The following EYS variants were observed in gnomAD, a reference collection of about 807,000 sequenced individuals.
The protein encoded by EYS is protein eyes shut homolog.
EYS carries 250 observed loss-of-function variants against 282.1 expected under a neutral mutation model. The observed-to-expected ratio is 0.89, with a 90% CI of 0.80 to 0.98. The LOEUF is 0.98. Among genes scored for constraint, EYS ranks in the 50% least tolerant of loss-of-function variants. The pLI is 0.00. For missense variants in EYS, 4,016 were observed against 3,709.0 expected, an observed-to-expected ratio of 1.08 and a Z score of -2.15; for synonymous variants, 1,355 against 1,282.9, an observed-to-expected ratio of 1.06 and a Z score of -1.20.
At chr6:64,892,052 A>G (rs1767307862) in intron 18 of EYS, among the ~76,000 whole-genome samples, 1 of 151,970 alleles carries the variant, frequency 6.6e-6, no homozygotes, top group African/African-American at 2.4e-5. Context: ...GTGACTTCTG[A>G]AGAAAATTCA....
chr6:63,953,912 C>G (rs556878371), intron 35 of EYS, among the ~76,000 whole-genome samples: 1 of 152,344 alleles, frequency 6.6e-6, no homozygotes, highest in African/African-American at 2.4e-5. Flanking sequence ...GTGGCTGCCA[C>G]TGCCCTAATA....
intron 26 of EYS, among the ~76,000 whole-genome samples, chr6:64,448,606 C>CA: frequency 6.6e-6 from 1 of 152,344 alleles, no homozygotes; most frequent in Admixed American, 6.5e-5. Context: ...AGGCACCCCC[C>CA]AGTAGGGGCG....
At chr6:65,097,699 A>G (rs1774778692) in intron 12 of EYS, among the ~76,000 whole-genome samples, 1 of 150,904 alleles carries the variant, frequency 6.6e-6, no homozygotes, top group Non-Finnish European at 1.5e-5. Context: ...GCTACATGCA[A>G]CAACATGGAT....
chr6:63,894,009 G>A (rs1773471946), intron 35 of EYS, among the ~76,000 whole-genome samples: 1 of 152,176 alleles, frequency 6.6e-6, no homozygotes, highest in Non-Finnish European at 1.5e-5. Context: ...ACCTGACTGT[G>A]TGAGGAGCCT....
intron 29 of EYS, among the ~76,000 whole-genome samples, chr6:64,367,229 C>T (rs1261132603): frequency 6.6e-6 from 1 of 151,956 alleles, no homozygotes; most frequent in East Asian, 1.9e-4. Flanking sequence ...ATCCTCTCTT[C>T]CTAGCAAAAA....
chr6:64,858,982 AG>A (rs1181110816), intron 19 of EYS, among the ~76,000 whole-genome samples: 1 of 152,040 alleles, frequency 6.6e-6, no homozygotes, highest in Non-Finnish European at 1.5e-5. Context: ...ATGTAGCCAG[AG>A]CAATTAGGCA....
At chr6:65,250,779 T>C (rs1349762876) in intron 12 of EYS, among the ~76,000 whole-genome samples, 1 of 151,634 alleles carries the variant, frequency 6.6e-6, no homozygotes, top group Non-Finnish European at 1.5e-5. Context: ...GTCCAAGAGA[T>C]ATATCCTTTT....
At chr6:64,766,224 G>T (rs963978554) in intron 22 of EYS, among the ~76,000 whole-genome samples, 40 of 151,530 alleles carry the variant, frequency 2.6e-4, no homozygotes, top group African/African-American at 8.9e-4. Flanking sequence ...CACTGCACTG[G>T]CCCCTCCCCT....
chr6:64,659,302 A>T, intron 22 of EYS, among the ~76,000 whole-genome samples: 1 of 152,172 alleles, frequency 6.6e-6, no homozygotes, highest in East Asian at 1.9e-4. Context: ...TAAAATTGAC[A>T]CCCTAACATC....
At chr6:64,332,349 C>G (rs1437898940) in intron 29 of EYS, among the ~76,000 whole-genome samples, 1 of 152,140 alleles carries the variant, frequency 6.6e-6, no homozygotes. Flanking sequence ...TAAGTGAGAC[C>G]ATGTAGTAAA....
chr6:64,295,038 G>C (rs955235043), intron 30 of EYS, among the ~76,000 whole-genome samples: 1 of 151,822 alleles, frequency 6.6e-6, no homozygotes, highest in Admixed American at 6.6e-5. Flanking sequence ...ATTCAGCTAT[G>C]GTTATGCATT....
At chr6:63,848,743 C>T (rs1013734901) in intron 36 of EYS, among the ~76,000 whole-genome samples, 1 of 152,102 alleles carries the variant, frequency 6.6e-6, no homozygotes. Context: ...GTTCCAAGCA[C>T]AAAACTGGGC....
At chr6:64,727,509 T>C (rs910839490) in intron 22 of EYS, among the ~76,000 whole-genome samples, 3 of 152,186 alleles carry the variant, frequency 2.0e-5, no homozygotes, top group African/African-American at 7.2e-5. Context: ...AGGGAACACA[T>C]GTTATTGAAG....
At chr6:65,700,625 C>G (rs996485128) in intron 1 of EYS, among the ~76,000 whole-genome samples, 3 of 152,038 alleles carry the variant, frequency 2.0e-5, no homozygotes, top group Non-Finnish European at 4.4e-5. Context: ...ATTCATTAAG[C>G]CTCAGGCATA....
intron 26 of EYS, among the ~76,000 whole-genome samples, chr6:64,453,846 G>A (rs1317483321): frequency 6.6e-5 from 10 of 152,000 alleles, no homozygotes; most frequent in Admixed American, 3.9e-4. Flanking sequence ...ATCACACACC[G>A]GGGACTGTTG....
intron 14 of EYS, among the ~76,000 whole-genome samples, chr6:64,950,555 T>C (rs1413437219): frequency 2.0e-5 from 3 of 151,290 alleles, no homozygotes; most frequent in Admixed American, 2.0e-4. Flanking sequence ...AATGGAAATA[T>C]GCCTCAACAC....
chr6:64,546,706 G>A (rs1764884025), intron 26 of EYS, among the ~76,000 whole-genome samples: 1 of 152,108 alleles, frequency 6.6e-6, no homozygotes, highest in South Asian at 2.1e-4. Flanking sequence ...CAAAAAGTGG[G>A]CAAAGGATAT....
At chr6:64,062,081 C>A (rs1434522596) in intron 33 of EYS, among the ~76,000 whole-genome samples, 3 of 151,992 alleles carry the variant, frequency 2.0e-5, no homozygotes, top group African/African-American at 4.8e-5. Context: ...AACTCACATG[C>A]TTTTTAGGGA....
intron 12 of EYS, among the ~76,000 whole-genome samples, chr6:65,179,182 G>C (rs1294453760): frequency 6.6e-6 from 1 of 151,866 alleles, no homozygotes; most frequent in Non-Finnish European, 1.5e-5. Flanking sequence ...ACCTTCAAAA[G>C]CTAGCAGAAG....
Sources: gnomAD v4.1 joint callset for allele counts (sites outside exome capture counted in the v4.1 genomes callset) on GRCh38, gnomAD v4.1.1 for gene constraint, MANE v1.5 for transcripts, NCBI Gene and HGNC (gene_info 2026-07-23, HGNC 2026-07-21) for gene names.